Variants in PKIA observed in about 807,000 individuals in gnomAD.
PKIA encodes cAMP-dependent protein kinase inhibitor alpha.
A neutral mutation model predicts 7.6 loss-of-function variants in PKIA; 4 were observed. The observed-to-expected ratio is 0.52, with a 90% CI of 0.26 to 1.20. The LOEUF is 1.20. PKIA is among the 50% of genes most tolerant of loss of function. The pLI, the probability that PKIA is intolerant of heterozygous loss-of-function variation, is 0.13. For synonymous variants in PKIA, 21 were observed against 30.7 expected (o/e 0.68, Z 1.04); for missense variants, 73 against 86.2 (o/e 0.85, Z 0.61).
intron 1 of PKIA, among the ~76,000 whole-genome samples, chr8:78,539,487 A>T (rs1806618343): frequency 6.6e-6 from 1 of 152,114 alleles, no homozygotes; most frequent in South Asian, 2.1e-4. Flanking sequence ...CTTGAGATGT[A>T]GAACATCTAA....
intron 1 of PKIA, among the ~76,000 whole-genome samples, chr8:78,568,671 G>A (rs910319518): frequency 1.3e-5 from 2 of 152,056 alleles, no homozygotes; most frequent in Non-Finnish European, 2.9e-5. Context: ...CACCACAGGA[G>A]CCTCCATTCC....
intron 1 of PKIA, among the ~76,000 whole-genome samples, chr8:78,548,917 A>T (rs2118457598): frequency 6.6e-6 from 1 of 152,236 alleles, no homozygotes; most frequent in East Asian, 1.9e-4. Flanking sequence ...AGTACATTCT[A>T]AACCTTATTT....
chr8:78,537,357 A>G (rs995659077), intron 1 of PKIA, among the ~76,000 whole-genome samples: 1 of 151,980 alleles, frequency 6.6e-6, no homozygotes, highest in East Asian at 1.9e-4. Context: ...AGCTTAACTG[A>G]CTAAATTTTT....
chr8:78,549,008 C>A (rs1450796116), intron 1 of PKIA, among the ~76,000 whole-genome samples: 1 of 152,002 alleles, frequency 6.6e-6, no homozygotes, highest in Non-Finnish European at 1.5e-5. Flanking sequence ...GACATTAAAA[C>A]CACATTTCTA....
intron 1 of PKIA, among the ~76,000 whole-genome samples, chr8:78,526,797 T>C (rs953496707): frequency 4.6e-5 from 7 of 152,008 alleles, no homozygotes; most frequent in African/African-American, 1.7e-4. Flanking sequence ...GAGCCTCACT[T>C]ACTGTGGAAT....
chr8:78,542,814 A>G (rs1373929139), intron 1 of PKIA, among the ~76,000 whole-genome samples: 6 of 151,960 alleles, frequency 3.9e-5, no homozygotes, highest in Non-Finnish European at 8.8e-5. Flanking sequence ...TTTAGATTCT[A>G]TTTTTTATTT....
At chr8:78,529,670 AT>A (rs1806346944) in intron 1 of PKIA, among the ~76,000 whole-genome samples, 1 of 152,082 alleles carries the variant, frequency 6.6e-6, no homozygotes, top group Non-Finnish European at 1.5e-5. Flanking sequence ...GCTAAACTTT[AT>A]TCATTTACAT....
intron 3 of PKIA, 59 bp from the exon 4 acceptor site, chr8:78,601,683 G>A (rs1808350659): frequency 7.9e-7 from 1 of 1,258,660 alleles, no homozygotes; most frequent in Non-Finnish European, 1.1e-6. Context: ...TTGACAGTTG[G>A]TAAATAAAAG....
intron 1 of PKIA, among the ~76,000 whole-genome samples, chr8:78,568,421 T>C (rs1452724047): frequency 6.6e-6 from 1 of 152,184 alleles, no homozygotes; most frequent in Non-Finnish European, 1.5e-5. Flanking sequence ...CTTCAATTTA[T>C]AGCCAGCAGC....
At chr8:78,583,894 C>T (rs780805804) in intron 2 of PKIA, among the ~76,000 whole-genome samples, 10 of 152,042 alleles carry the variant, frequency 6.6e-5, no homozygotes, top group Non-Finnish European at 1.5e-4. Flanking sequence ...AATTTGCAAC[C>T]TCTGGCATCA....
At chr8:78,583,101 T>C (rs1260842594) in intron 2 of PKIA, among the ~76,000 whole-genome samples, 2 of 152,178 alleles carry the variant, frequency 1.3e-5, no homozygotes, top group East Asian at 3.9e-4. Context: ...CCAGGGACAC[T>C]GAATGAGCTT....
intron 2 of PKIA, among the ~76,000 whole-genome samples, chr8:78,575,712 C>T (rs1042854187): frequency 2.6e-5 from 4 of 151,912 alleles, no homozygotes; most frequent in African/African-American, 9.7e-5. Flanking sequence ...TTCAAAGTTA[C>T]GCAAGTCAAC....
intron 1 of PKIA, among the ~76,000 whole-genome samples, chr8:78,570,346 C>T (rs941513322): frequency 5.3e-5 from 8 of 152,162 alleles, no homozygotes; most frequent in African/African-American, 1.7e-4. Flanking sequence ...CAGCAGATTT[C>T]GGATCTGAAA....
rs1808393481 is a variant in PKIA at position 78,603,168 on chromosome 8, A to C, written c.*1347A>C. 6.6e-6 allele frequency: 1 copy of C among 152,396 alleles called. No individual in the cohort carries two copies. Among genetic ancestry groups the C allele is most frequent in the Non-Finnish European group, 1.5e-5 (1 of 67,944 alleles). 9.4% of individuals were successfully genotyped at this position (152,396 alleles called of 1,614,324 possible). On this transcript the variant is annotated 3_prime_UTR_variant, in exon 4 of 4. Coordinates refer to ENST00000396418, the MANE Select transcript of PKIA (RefSeq NM_006823.4). ...TGTGAGCTGTGTAATCCCTCTGGTC[A>C]GTATTATGAAATCATTTGTCAGTGG...
intron 2 of PKIA, among the ~76,000 whole-genome samples, chr8:78,582,583 G>A (rs1271199391): frequency 5.9e-5 from 9 of 152,018 alleles, no homozygotes; most frequent in African/African-American, 2.2e-4. Flanking sequence ...CTGTATCAAT[G>A]TTTTTGTTTT....
intron 2 of PKIA, among the ~76,000 whole-genome samples, chr8:78,586,988 T>C (rs1288518626): frequency 6.6e-6 from 1 of 152,200 alleles, no homozygotes; most frequent in African/African-American, 2.4e-5. Context: ...TTATTATTCA[T>C]AAGGCACTAT....
At chr8:78,562,871 G>C (rs184967639) in intron 1 of PKIA, among the ~76,000 whole-genome samples, 1 of 151,384 alleles carries the variant, frequency 6.6e-6, no homozygotes, top group Non-Finnish European at 1.5e-5. Flanking sequence ...GTATCTGGTA[G>C]ATGCTCAGGA....
intron 2 of PKIA, among the ~76,000 whole-genome samples, chr8:78,582,091 G>T (rs565764971): frequency 7.4e-4 from 112 of 151,726 alleles, no homozygotes; most frequent in Admixed American, 1.4e-3. Flanking sequence ...ACAGTTAAAA[G>T]CTGTTTACAA....
At position 78,604,684 on chromosome 8, in the gene PKIA, A is replaced by G. The variant is rs775481177; in HGVS notation, c.*2863A>G. 6.6e-6 allele frequency: 1 copy of G among 151,960 alleles called. No individual in the cohort carries two copies. Among genetic ancestry groups the G allele is most frequent in the Non-Finnish European group, 1.5e-5 (1 of 67,950 alleles). 9.4% of individuals were successfully genotyped at this position (151,960 alleles called of 1,614,324 possible). A position where few individuals can be genotyped will look rare whatever the true frequency, so the allele number is the denominator to read the frequency against. Reference sequence around the variant, plus strand: ...GGTCTGTAAACACAGCATGATTCATATTTTTTATGTTTCATGCTACTCATT... The same window carrying G: ...GGTCTGTAAACACAGCATGATTCATGTTTTTTATGTTTCATGCTACTCATT... On this transcript the variant is annotated 3_prime_UTR_variant, in exon 4 of 4. Coordinates refer to ENST00000396418, the MANE Select transcript of PKIA (RefSeq NM_006823.4).
Sources: gnomAD v4.1 joint callset for allele counts (sites outside exome capture counted in the v4.1 genomes callset) on GRCh38, gnomAD v4.1.1 for gene constraint, MANE v1.5 for transcripts, NCBI Gene and HGNC (gene_info 2026-07-23, HGNC 2026-07-21) for gene names.